The following GPAT4 variants were observed in gnomAD, a reference collection of about 807,000 sequenced individuals.
GPAT4 encodes 1-AGP acyltransferase 6.
A neutral mutation model predicts 58.0 loss-of-function variants in GPAT4; 17 were observed. That is an observed-to-expected ratio of 0.29 (90% CI 0.20 to 0.44). The LOEUF (loss-of-function observed/expected upper bound fraction) is 0.44, where lower values mean the gene tolerates loss of function less well. Among genes scored for constraint, GPAT4 ranks in the 20% least tolerant of loss-of-function variants. The pLI is 1.00. For synonymous variants in GPAT4, 204 were observed against 210.1 expected, an observed-to-expected ratio of 0.97 and a Z score of 0.25; for missense variants, 377 against 574.5, an observed-to-expected ratio of 0.66 and a Z score of 3.51.
chr8:41,610,425 A>C, intron 4 of GPAT4: 1 of 1,258,266 alleles, frequency 7.9e-7, no homozygotes, highest in South Asian at 1.7e-5. Flanking sequence ...AGCCAAAGGG[A>C]AGGGGAGGGC....
chr8:41,600,199 C>T (rs1051389463), intron 2 of GPAT4, among the ~76,000 whole-genome samples: 2 of 151,850 alleles, frequency 1.3e-5, no homozygotes, highest in Non-Finnish European at 2.9e-5. Context: ...CCACCACACC[C>T]GGCTATTTTT....
Position 41,620,915 on chromosome 8 carries a change from A to T in GPAT4, c.1285A>T (p.Lys429Ter). The T allele has an allele frequency of 6.4e-7, 1 of 1,551,420 alleles. No individual in the cohort carries two copies. The highest frequency in any genetic ancestry group is 8.7e-7 in the Non-Finnish European group (1 of 1,147,286). ...CAGGGATGGGGGCCTGAAGAGGGAGAAGGTGAAGGACACGTTCAAGGAGGA... is the reference window on the plus strand; with the variant it reads ...CAGGGATGGGGGCCTGAAGAGGGAGTAGGTGAAGGACACGTTCAAGGAGGA... ...LLWDGGLKRE[K>*]VKDTFKEEQQ... The change falls in exon 13 of 13, where the codon AAG becomes TAG. Residue 429 changes from lysine to a stop codon, truncating the protein, a stop_gained. Transcript: ENST00000396987. LOFTEE classifies it high-confidence loss of function.
intron 2 of GPAT4, among the ~76,000 whole-genome samples, chr8:41,600,278 G>C (rs1803052565): frequency 6.6e-6 from 1 of 152,040 alleles, no homozygotes; most frequent in African/African-American, 2.4e-5. Context: ...GACCCCTCAA[G>C]TGATCTGTCC....
chr8:41,617,553 A>G (rs1314522787), intron 10 of GPAT4, among the ~76,000 whole-genome samples: 1 of 152,130 alleles, frequency 6.6e-6, no homozygotes, highest in Non-Finnish European at 1.5e-5. Flanking sequence ...TCATTTTTGT[A>G]GTTAGGGCCA....
At chr8:41,579,723 A>G (rs1802460682) in intron 1 of GPAT4, among the ~76,000 whole-genome samples, 1 of 152,092 alleles carries the variant, frequency 6.6e-6, no homozygotes, top group South Asian at 2.1e-4. Context: ...TTGTATTCCC[A>G]GCTACTCGGG....
At chr8:41,581,993 A>AT (rs71230849) in intron 1 of GPAT4, among the ~76,000 whole-genome samples, 3,433 of 63,526 alleles carry the variant, frequency 0.054, 571 homozygotes, top group Non-Finnish European at 0.068. Flanking sequence ...AAGTTCAATG[A>AT]TTTTTTTTTT....
intron 2 of GPAT4, among the ~76,000 whole-genome samples, chr8:41,600,586 G>C (rs1334888611): frequency 6.8e-6 from 1 of 147,836 alleles, no homozygotes; most frequent in Non-Finnish European, 1.5e-5. Context: ...TAAGCATATG[G>C]TGTTTTTTTT....
At position 41,623,635 on chromosome 8, in the gene GPAT4, A is replaced by C. The variant is rs1803824570; in HGVS notation, c.*2634A>C. The C allele has an allele frequency of 6.6e-6, 1 of 152,194 alleles. No individual in the cohort carries two copies. Among genetic ancestry groups the C allele is most frequent in the South Asian group, 2.1e-4 (1 of 4,830 alleles). 9.4% of individuals were successfully genotyped at this position (152,194 alleles called of 1,614,324 possible). The stretch of plus-strand genomic sequence containing the variant: ...ATCTCTGAAGTCTTCTGGGTTTGGA[A>C]ATACGGGAAGTCAGCTTTGAATCCA... On this transcript the variant is annotated 3_prime_UTR_variant, in exon 13 of 13. Coordinates refer to ENST00000396987, the MANE Select transcript of GPAT4 (RefSeq NM_178819.4).
chr8:41,599,314 G>A lies in GPAT4; in HGVS notation c.165+10G>A. ...GTTAAAAATCTTTGCGGTAAGTTAT[G>A]CTGTTACAAAAGGTTGCTTCACAGA... On this transcript the variant is annotated intron_variant, in intron 2 of 12. Coordinates refer to ENST00000396987, the MANE Select transcript of GPAT4 (RefSeq NM_178819.4). 6.2e-7 allele frequency: 1 copy of A among 1,613,648 alleles called. No individual in the cohort carries two copies. Among genetic ancestry groups the A allele is most frequent in the Non-Finnish European group, 8.5e-7 (1 of 1,179,908 alleles).
intron 8 of GPAT4, among the ~76,000 whole-genome samples, chr8:41,613,776 C>T (rs1386362012): frequency 3.3e-5 from 5 of 151,946 alleles, no homozygotes; most frequent in South Asian, 2.1e-4. Context: ...ATTAGCTGAG[C>T]GTGGTGGTAC....
chr8:41,605,721 T>C (rs762577775), intron 2 of GPAT4, among the ~76,000 whole-genome samples: 1 of 152,154 alleles, frequency 6.6e-6, no homozygotes, highest in Non-Finnish European at 1.5e-5. Context: ...TACAGGCCTG[T>C]GCCACCACAC....
At chr8:41,614,360 CTTTAT>C (rs768384763) in intron 8 of GPAT4, 21 bp from the exon 9 acceptor site, 10 of 1,606,628 alleles carry the variant, frequency 6.2e-6, no homozygotes, top group Middle Eastern at 1.6e-4. Flanking sequence ...TTGTCTGACC[CTTTAT>C]TTTATTTTCT....
chr8:41,622,231 T>G lies in GPAT4; in HGVS notation c.*1230T>G, dbSNP rs1420449571. 33 of 64,128 alleles carry G rather than the reference T, an allele frequency of 5.1e-4. No homozygotes were observed. The highest frequency in any genetic ancestry group is 2.1e-3 in the African/African-American group (33 of 15,534). 4.0% of individuals were successfully genotyped at this position (64,128 alleles called of 1,614,324 possible). A position where few individuals can be genotyped will look rare whatever the true frequency, so the allele number is the denominator to read the frequency against. On this transcript the variant is annotated 3_prime_UTR_variant, in exon 13 of 13. Transcript: ENST00000396987. ...GGAGGAGCAAGGGCCCGGGGAGGGC[T>G]GCAGAGGGGCCGGGGCGGGGCAGGG...
intron 1 of GPAT4, among the ~76,000 whole-genome samples, chr8:41,592,611 G>A (rs1011346753): frequency 1.3e-5 from 2 of 152,128 alleles, no homozygotes; most frequent in Non-Finnish European, 2.9e-5. Flanking sequence ...TCCCATTACA[G>A]TTCCTCAACA....
intron 2 of GPAT4, among the ~76,000 whole-genome samples, chr8:41,606,455 GT>G (rs1379380587): frequency 6.6e-6 from 1 of 152,142 alleles, no homozygotes; most frequent in Non-Finnish European, 1.5e-5. Flanking sequence ...GAGAAGCAGT[GT>G]TTTCCCAGAG....
At chr8:41,587,724 T>TA (rs941135385) in intron 1 of GPAT4, among the ~76,000 whole-genome samples, 4 of 152,108 alleles carry the variant, frequency 2.6e-5, no homozygotes, top group African/African-American at 9.7e-5. Context: ...CCCAAGGGGG[T>TA]AAAAAAATCA....
intron 1 of GPAT4, among the ~76,000 whole-genome samples, chr8:41,587,603 G>T (rs1347283667): frequency 2.0e-5 from 3 of 152,158 alleles, no homozygotes; most frequent in East Asian, 1.9e-4. Flanking sequence ...CCTGTGCATT[G>T]TAAGATGTGC....
At chr8:41,584,511 C>T (rs921982305) in intron 1 of GPAT4, among the ~76,000 whole-genome samples, 2 of 152,076 alleles carry the variant, frequency 1.3e-5, no homozygotes, top group African/African-American at 4.8e-5. Context: ...CATGCAGCAA[C>T]ATGGATGGTT....
chr8:41,617,706 A>G (rs1291409415), intron 10 of GPAT4, among the ~76,000 whole-genome samples: 1 of 152,194 alleles, frequency 6.6e-6, no homozygotes, highest in African/African-American at 2.4e-5. Context: ...TTCCCAGGGA[A>G]AGGGCATTTT....
Sources: allele counts gnomAD v4.1 joint callset (sites outside exome capture counted in the v4.1 genomes callset), GRCh38; gene constraint gnomAD v4.1.1; transcripts MANE v1.5; gene names NCBI Gene and HGNC (gene_info 2026-07-23, HGNC 2026-07-21).